The following OR2V1 variants were observed in gnomAD, a reference collection of about 807,000 sequenced individuals.
OR2V1 encodes the protein olfactory receptor family 2 subfamily V member 1.
Under a neutral mutation model 15.0 loss-of-function variants are expected in OR2V1, and 18 were observed. The observed-to-expected ratio is 1.20, with a 90% CI of 0.83 to 1.78. The LOEUF (loss-of-function observed/expected upper bound fraction) is 1.78. Among genes scored for constraint, OR2V1 ranks in the 40% most tolerant of loss-of-function variants. The pLI is 0.00. For missense variants in OR2V1, 359 were observed against 392.9 expected (o/e 0.91, Z 0.73); for synonymous variants, 144 against 146.1 (o/e 0.99, Z 0.10).
At position 181,124,225 on chromosome 5, in the gene OR2V1, C is replaced by T. The variant is rs528975944; in HGVS notation, c.*132G>A. On this transcript the variant is annotated 3_prime_UTR_variant, in exon 4 of 4. Transcript: ENST00000641551. ...CAGAAATGTTCATAATGGCTTTTCT[C>T]ATGATGGCCAAAACCTATAAACCAT... 2.5e-6 allele frequency: 2 copies of T among 812,866 alleles called. No individual in the cohort carries two copies. The highest frequency in any genetic ancestry group is 1.7e-5 in the African/African-American group (1 of 58,082). The allele number at this position is 812,866 out of a possible 1,614,324, so 50.4% of individuals were successfully genotyped here.
intron 3 of OR2V1, among the ~76,000 whole-genome samples, chr5:181,127,236 A>T (rs906797021): frequency 6.6e-6 from 1 of 152,202 alleles, no homozygotes; most frequent in Non-Finnish European, 1.5e-5. Flanking sequence ...CGGGACCTCA[A>T]CCCAGACATG....
chr5:181,124,645 A>G lies in OR2V1; in HGVS notation c.660T>C (p.Ala220=). 2 of 1,613,852 alleles carry G rather than the reference A, an allele frequency of 1.2e-6. No individual in the cohort carries two copies. The highest frequency in any genetic ancestry group is 8.5e-7 in the Non-Finnish European group (1 of 1,180,000). ...TTCGGAGCACAGCCCCTAGGATGCA[A>G]GCATAGGAGGCCATGATGATGGAGA... ...LPFSIIMASY[A]CILGAVLRIR... Residue 220 remains alanine (A), a synonymous_variant, in exon 4 of 4, where the codon GCT becomes GCC. Coordinates refer to ENST00000641551, the MANE Select transcript of OR2V1 (RefSeq NM_001258283.2).
chr5:181,130,323 G>A (rs560431621), intron 1 of OR2V1, 108 bp from the exon 2 acceptor site: 4 of 398,258 alleles, frequency 1.0e-5, no homozygotes, highest in Admixed American at 4.4e-5. Flanking sequence ...TCCTCAGCCC[G>A]CACCGACTAC....
intron 3 of OR2V1, among the ~76,000 whole-genome samples, chr5:181,125,973 G>A (rs548270733): frequency 3.3e-5 from 5 of 152,184 alleles, no homozygotes; most frequent in South Asian, 4.1e-4. Flanking sequence ...CAACAAGAGC[G>A]AAACTCCATT....
intron 3 of OR2V1, among the ~76,000 whole-genome samples, chr5:181,128,205 C>CAA (rs546280533): frequency 1.6e-3 from 246 of 150,948 alleles, no homozygotes; most frequent in African/African-American, 4.4e-3. Flanking sequence ...CACACACACA[C>CAA]ACACACACAC....
At chr5:181,126,735 TACAC>T (rs149308949) in intron 3 of OR2V1, among the ~76,000 whole-genome samples, 5 of 137,318 alleles carry the variant, frequency 3.6e-5, no homozygotes, top group Non-Finnish European at 8.0e-5. Flanking sequence ...CACAGAGACA[TACAC>T]ACACACACAC....
chr5:181,125,611 G>A (rs1762863243), intron 3 of OR2V1, among the ~76,000 whole-genome samples: 1 of 152,234 alleles, frequency 6.6e-6, no homozygotes, highest in African/African-American at 2.4e-5. Context: ...CCTCTTAGCT[G>A]GGGTCACATG....
rs1472086238 is a variant in OR2V1, at chr5:181,123,762, G to A, written c.*595C>T. ...CAGGGATTTATTTTTATTACTTAAA[G>A]GAGGTTTTATAAAGCCTCTAATTGA... is the stretch of plus-strand genomic sequence containing the variant. On this transcript the variant is annotated 3_prime_UTR_variant, in exon 4 of 4. Coordinates refer to ENST00000641551, the MANE Select transcript of OR2V1 (RefSeq NM_001258283.2). 2 of 152,152 alleles carry A rather than the reference G, an allele frequency of 1.3e-5. No individual in the cohort carries two copies. The highest frequency in any genetic ancestry group is 2.9e-5 in the Non-Finnish European group (2 of 68,042). 9.4% of individuals were successfully genotyped at this position (152,152 alleles called of 1,614,324 possible). A position where few individuals can be genotyped will look rare whatever the true frequency, so the allele number is the denominator to read the frequency against.
chr5:181,125,843 G>T (rs1762865320), intron 3 of OR2V1, among the ~76,000 whole-genome samples: 2 of 152,202 alleles, frequency 1.3e-5, no homozygotes, highest in South Asian at 4.1e-4. Flanking sequence ...AAATTAGCCA[G>T]GCGTGGTGGC....
Position 181,125,293 on chromosome 5 carries a change from C to A in OR2V1, c.12G>T (p.Trp4Cys), listed in dbSNP as rs1457908958. MGR[W>C]VNQSYTDGFF... ...AGCCATCTGTGTAGGACTGGTTCACCCATCTTCCCATGGCTTAGTTGTTCA... is the reference window on the plus strand; with the variant it reads ...AGCCATCTGTGTAGGACTGGTTCACACATCTTCCCATGGCTTAGTTGTTCA... The change falls in exon 4 of 4, where the codon TGG becomes TGT. Residue 4 changes from tryptophan (W) to cysteine (C), a missense_variant. Trp to Cys is a radical substitution (Grantham distance 215). Transcript: ENST00000641551. 6.2e-7 allele frequency: 1 copy of A among 1,611,944 alleles called. No homozygotes were observed. Among genetic ancestry groups the A allele is most frequent in the East Asian group, 2.2e-5 (1 of 44,856 alleles).
chr5:181,125,279 T>G lies in OR2V1; in HGVS notation c.26A>C (p.Tyr9Ser). The G allele has an allele frequency of 6.2e-7, 1 of 1,613,308 alleles. No individual in the cohort carries two copies. Among genetic ancestry groups the G allele is most frequent in the Non-Finnish European group, 8.5e-7 (1 of 1,179,788 alleles). ...GCCCAAGAGGAAGAAGCCATCTGTG[T>G]AGGACTGGTTCACCCATCTTCCCAT... Reference protein sequence around the residue: MGRWVNQSYTDGFFLLGIF... With the variant: MGRWVNQSSTDGFFLLGIF... The change falls in exon 4 of 4, where the codon TAC becomes TCC. Residue 9 changes from tyrosine (Y) to serine (S), a missense_variant. Transcript: ENST00000641551.
rs2113324890 is a variant in OR2V1 at position 181,124,297 on chromosome 5, G to C, written c.*60C>G. On this transcript the variant is annotated 3_prime_UTR_variant, in exon 4 of 4. Transcript: ENST00000641551. ...ATGGAAACAGACACTCACAAAGGTT[G>C]AGTGACTTCCCAATGTGACACAGGC... 2 of 1,416,352 alleles carry C rather than the reference G, an allele frequency of 1.4e-6. No individual in the cohort carries two copies. The highest frequency in any genetic ancestry group is 4.9e-5 in the East Asian group (2 of 40,688). The allele number at this position is 1,416,352 out of a possible 1,614,324, so 87.7% of individuals were successfully genotyped here.
At position 181,124,207 on chromosome 5, in the gene OR2V1, G is replaced by T. The variant is rs969011071; in HGVS notation, c.*150C>A. On this transcript the variant is annotated 3_prime_UTR_variant, in exon 4 of 4. Transcript: ENST00000641551. ...TTTCCTTTTTTTTTGGTACAGAAAT[G>T]TTCATAATGGCTTTTCTCATGATGG... The T allele has an allele frequency of 7.7e-5, 49 of 636,730 alleles. No individual in the cohort carries two copies. The highest frequency in any genetic ancestry group is 1.1e-4 in the Non-Finnish European group (45 of 417,066). 39.4% of individuals were successfully genotyped at this position (636,730 alleles called of 1,614,324 possible).
intron 3 of OR2V1, among the ~76,000 whole-genome samples, chr5:181,127,813 C>G (rs1038965289): frequency 1.3e-5 from 2 of 151,844 alleles, no homozygotes; most frequent in Admixed American, 6.6e-5. Context: ...AAACCAGGTT[C>G]CCCCAGATCC....
chr5:181,126,545 GAC>G (rs1273276957), intron 3 of OR2V1, among the ~76,000 whole-genome samples: 3 of 149,568 alleles, frequency 2.0e-5, no homozygotes, highest in East Asian at 2.0e-4. Context: ...GAAATACACA[GAC>G]ACACACATAT....
chr5:181,127,369 T>G (rs896390077), intron 3 of OR2V1, among the ~76,000 whole-genome samples: 2 of 152,222 alleles, frequency 1.3e-5, no homozygotes, highest in Non-Finnish European at 2.9e-5. Context: ...GTGATTCTTT[T>G]CTACCAGGGA....
chr5:181,124,700 G>C lies in OR2V1; in HGVS notation c.605C>G (p.Ala202Gly), dbSNP rs574935276. Residue 202 changes from alanine to glycine, a missense_variant, in exon 4 of 4, where the codon GCT becomes GGT. Coordinates refer to ENST00000641551, the MANE Select transcript of OR2V1 (RefSeq NM_001258283.2). ...DTSLFDTLLF[A>G]CCVFMLLLPF... ...AAGGAGAAGCATGAAGACACAGCAAGCAAAGAGGAGGGTGTCAAAAAGGGA... is the reference window on the plus strand; with the variant it reads ...AAGGAGAAGCATGAAGACACAGCAACCAAAGAGGAGGGTGTCAAAAAGGGA... 21 of 1,612,506 alleles carry C rather than the reference G, an allele frequency of 1.3e-5. No individual in the cohort carries two copies. The African/African-American group carries it at 2.1e-4, about 16-fold the overall frequency.
At chr5:181,128,294 G>A (rs1762908927) in intron 3 of OR2V1, among the ~76,000 whole-genome samples, 1 of 151,946 alleles carries the variant, frequency 6.6e-6, no homozygotes, top group Non-Finnish European at 1.5e-5. Flanking sequence ...ATCCCTGCCA[G>A]CTCCCACCTG....
intron 3 of OR2V1, among the ~76,000 whole-genome samples, chr5:181,127,768 C>A (rs959545895): frequency 6.6e-6 from 1 of 151,988 alleles, no homozygotes; most frequent in African/African-American, 2.4e-5. Context: ...ACCATCTCAG[C>A]CACACCAGCC....
Sources: allele counts gnomAD v4.1 joint callset (sites outside exome capture counted in the v4.1 genomes callset), GRCh38; gene constraint gnomAD v4.1.1; transcripts MANE v1.5; gene names NCBI Gene and HGNC (gene_info 2026-07-23, HGNC 2026-07-21).